The following PPP2R5E variants were observed in gnomAD, a reference collection of about 807,000 sequenced individuals.
The protein encoded by PPP2R5E is serine/threonine-protein phosphatase 2A 56 kDa regulatory subunit epsilon isoform.
In PPP2R5E, 4 loss-of-function variants were observed where a neutral mutation model predicts 65.3. The observed-to-expected ratio is 0.06, with a 90% confidence interval of 0.03 to 0.14. The LOEUF is 0.14. PPP2R5E is among the 10% of genes least tolerant of loss of function. PPP2R5E has a pLI of 1.00. For missense variants in PPP2R5E, 274 were observed against 556.1 expected, an observed-to-expected ratio of 0.49 and a Z score of 5.10; for synonymous variants, 183 against 187.4, an observed-to-expected ratio of 0.98 and a Z score of 0.19.
intron 3 of PPP2R5E, among the ~76,000 whole-genome samples, chr14:63,438,589 C>T (rs1888052832): frequency 6.6e-6 from 1 of 152,114 alleles, no homozygotes; most frequent in South Asian, 2.1e-4. Context: ...GGAGTATACT[C>T]ATTACAGTGA....
At chr14:63,486,277 A>G (rs897342839) in intron 2 of PPP2R5E, among the ~76,000 whole-genome samples, 2 of 124,258 alleles carry the variant, frequency 1.6e-5, no homozygotes, top group African/African-American at 3.5e-5. Context: ...GACCCCACCC[A>G]TCTTTCTTTC....
At chr14:63,388,560 G>A (rs1298184157) in intron 11 of PPP2R5E, among the ~76,000 whole-genome samples, 1 of 152,166 alleles carries the variant, frequency 6.6e-6, no homozygotes, top group Non-Finnish European at 1.5e-5. Flanking sequence ...GCCCTGAGTG[G>A]TATCAAAATA....
intron 5 of PPP2R5E, among the ~76,000 whole-genome samples, chr14:63,406,410 C>CAA (rs569875121): frequency 2.2e-3 from 183 of 83,330 alleles, no homozygotes; most frequent in East Asian, 0.019. Context: ...GACTTCATCT[C>CAA]AAAAAAAAAA....
At position 63,485,895 on chromosome 14, in the gene PPP2R5E, C is replaced by T. The variant is rs1594929752; in HGVS notation, c.158-32010G>A. Among the ~76,000 whole-genome samples, 3 of 147,026 alleles carry T rather than the reference C, an allele frequency of 2.0e-5. No homozygotes were observed. In the Admixed American group the frequency reaches 2.1e-4, roughly 10 times the overall value. ...CCAGGGCTGGAGTGCAGTGGTACGA[C>T]CTCAGCTCACTGTAACCTCTACCTC... On this transcript the variant is annotated intron_variant, in intron 2 of 13. Coordinates refer to ENST00000337537, the MANE Select transcript of PPP2R5E (RefSeq NM_006246.5).
At chr14:63,421,786 G>A (rs1002632420) in intron 4 of PPP2R5E, among the ~76,000 whole-genome samples, 1 of 152,096 alleles carries the variant, frequency 6.6e-6, no homozygotes, top group East Asian at 1.9e-4. Context: ...GTGGGGTTGG[G>A]GGACACTAAA....
At chr14:63,519,506 A>T (rs866756571) in intron 2 of PPP2R5E, among the ~76,000 whole-genome samples, 6 of 107,852 alleles carry the variant, frequency 5.6e-5, no homozygotes, top group African/African-American at 3.7e-4. Flanking sequence ...ATGCCCAGCT[A>T]ATTTTTTTTT....
intron 3 of PPP2R5E, 109 bp downstream of exon 3, chr14:63,453,580 C>T (rs1412289491): frequency 1.9e-6 from 2 of 1,037,590 alleles, no homozygotes; most frequent in Admixed American, 5.2e-5. Flanking sequence ...CAAAGGTTGG[C>T]TCTCATTTGT....
At position 63,503,171 on chromosome 14, in the gene PPP2R5E, T is replaced by A. The variant is rs180901172; in HGVS notation, c.157+36358A>T. Among the ~76,000 whole-genome samples the A allele has an allele frequency of 9.2e-4, 140 of 152,022 alleles. 2 individuals carry two copies. The highest frequency in any genetic ancestry group is 1.1e-3 in the Non-Finnish European group (73 of 67,962). On this transcript the variant is annotated intron_variant, in intron 2 of 13. Transcript: ENST00000337537. ...TTAGCCATTTTTTTTTTAACTACTG[T>A]ATGTACAGAGGGATTTTGGGAAAGG...
At chr14:63,532,347 A>G (rs1893469580) in intron 2 of PPP2R5E, among the ~76,000 whole-genome samples, 2 of 149,614 alleles carry the variant, frequency 1.3e-5, no homozygotes, top group Non-Finnish European at 3.0e-5. Flanking sequence ...AAAAATAAAA[A>G]GCATTACACT....
At chr14:63,510,118 T>C (rs1892388891) in intron 2 of PPP2R5E, among the ~76,000 whole-genome samples, 1 of 152,106 alleles carries the variant, frequency 6.6e-6, no homozygotes, top group Non-Finnish European at 1.5e-5. Flanking sequence ...GTCATCAAAT[T>C]AAAATTCTGT....
intron 3 of PPP2R5E, among the ~76,000 whole-genome samples, chr14:63,422,464 C>T (rs1041471054): frequency 6.6e-6 from 1 of 152,180 alleles, no homozygotes; most frequent in East Asian, 1.9e-4. Context: ...CAGTGGCTCA[C>T]GCCTGTAATC....
chr14:63,407,400 G>A (rs1409152134), intron 5 of PPP2R5E, among the ~76,000 whole-genome samples: 2 of 152,134 alleles, frequency 1.3e-5, no homozygotes, highest in Non-Finnish European at 2.9e-5. Flanking sequence ...CGAATACTGG[G>A]CATAAAAGAA....
intron 3 of PPP2R5E, among the ~76,000 whole-genome samples, chr14:63,445,614 G>A (rs1037300315): frequency 4.6e-5 from 7 of 152,152 alleles, no homozygotes; most frequent in African/African-American, 1.4e-4. Context: ...GGAAGCTGAG[G>A]CGGGCAGATC....
chr14:63,463,102 CAA>C (rs35267340), intron 2 of PPP2R5E, among the ~76,000 whole-genome samples: 2,748 of 88,590 alleles, frequency 0.031, 88 homozygotes, highest in East Asian at 0.14. Flanking sequence ...AACTCCATCT[CAA>C]AAAAAAAAAA....
Position 63,391,972 on chromosome 14 carries a change from T to G in PPP2R5E, c.903A>C (p.Pro301=). ...FLEKDPSLTE[P]VIRGLMKFWP... ...TTGAAATTATGGAAAAAAGACTTAC[T>G]GGTTCTGTGAGTGAAGGATCTTTCT... The change falls in exon 9 of 14, where the codon CCA becomes CCC. Residue 301 remains proline (P), a splice_region_variant and synonymous_variant. Coordinates refer to ENST00000337537, the MANE Select transcript of PPP2R5E (RefSeq NM_006246.5). 1 of 1,610,588 alleles carries G rather than the reference T, an allele frequency of 6.2e-7. No homozygotes were observed. Among genetic ancestry groups the G allele is most frequent in the Non-Finnish European group, 8.5e-7 (1 of 1,177,980 alleles).
Position 63,421,428 on chromosome 14 carries a change from A to G in PPP2R5E, c.456+565T>C, listed in dbSNP as rs950594597. 2.0e-5 allele frequency among the ~76,000 whole-genome samples: 3 copies of G among 152,336 alleles called. No homozygotes were observed. The South Asian group carries it at 6.2e-4, about 32-fold the overall frequency. ...TGATGCCCCTGATCCATCCTGGCAC[A>G]TAAGTGTGATTGGAAAACATGGCCT... On this transcript the variant is annotated intron_variant, in intron 4 of 13. Coordinates refer to ENST00000337537, the MANE Select transcript of PPP2R5E (RefSeq NM_006246.5).
chr14:63,485,539 C>T (rs946542734), intron 2 of PPP2R5E, among the ~76,000 whole-genome samples: 5 of 152,216 alleles, frequency 3.3e-5, no homozygotes, highest in South Asian at 2.1e-4. Context: ...CTCGGCCTCC[C>T]GAGTAGCTGG....
chr14:63,534,427 C>T (rs78459597), intron 2 of PPP2R5E, among the ~76,000 whole-genome samples: 3 of 152,036 alleles, frequency 2.0e-5, no homozygotes, highest in Admixed American at 6.6e-5. Context: ...ACTACATCCA[C>T]GAATTTTTGG....
intron 2 of PPP2R5E, among the ~76,000 whole-genome samples, chr14:63,516,246 G>A (rs527941818): frequency 2.6e-5 from 4 of 152,214 alleles, no homozygotes; most frequent in South Asian, 2.1e-4. Context: ...TGTCAATGAC[G>A]ACCCTCATTA....
Sources: allele counts gnomAD v4.1 joint callset (sites outside exome capture counted in the v4.1 genomes callset), GRCh38; gene constraint gnomAD v4.1.1; transcripts MANE v1.5; gene names NCBI Gene and HGNC (gene_info 2026-07-23, HGNC 2026-07-21).